ADCK1: variants seen among roughly 807,000 people sequenced by gnomAD.
ADCK1 encodes the protein aarF domain containing kinase 1, also known as aarF domain-containing protein kinase 1.
In ADCK1, 41 loss-of-function variants were observed where a neutral mutation model predicts 52.3. The observed-to-expected ratio is 0.78, with a 90% CI of 0.61 to 1.02. The LOEUF is 1.02. ADCK1 is among the 50% of genes least tolerant of loss of function. The pLI is 0.00. For synonymous variants in ADCK1, 250 were observed against 274.6 expected (o/e 0.91, Z 0.89); for missense variants, 658 against 679.5 (o/e 0.97, Z 0.35).
intron 3 of ADCK1, among the ~76,000 whole-genome samples, chr14:77,840,878 G>C (rs532954543): frequency 7.5e-6 from 1 of 133,052 alleles, no homozygotes; most frequent in Non-Finnish European, 1.6e-5. Context: ...GAGGGAGGGA[G>C]AGAAGGGAAG....
intron 4 of ADCK1, among the ~76,000 whole-genome samples, chr14:77,886,104 A>G (rs2083140918): frequency 6.6e-6 from 1 of 152,262 alleles, no homozygotes; most frequent in Admixed American, 6.5e-5. Context: ...GTGGCATTGC[A>G]GGTGATGACC....
chr14:77,802,392 C>T (rs765484447), intron 1 of ADCK1, among the ~76,000 whole-genome samples: 7 of 152,060 alleles, frequency 4.6e-5, no homozygotes, highest in Non-Finnish European at 8.8e-5. Context: ...ATTTCTATTC[C>T]TTGCCTGGGT....
intron 1 of ADCK1, among the ~76,000 whole-genome samples, chr14:77,816,557 G>A (rs745811141): frequency 1.6e-4 from 25 of 152,170 alleles, no homozygotes; most frequent in Non-Finnish European, 3.1e-4. Flanking sequence ...GATTTGCGGA[G>A]TGTGGTGCGC....
intron 3 of ADCK1, among the ~76,000 whole-genome samples, chr14:77,840,489 ATGG>A (rs1182107782): frequency 6.6e-6 from 1 of 152,070 alleles, no homozygotes; most frequent in Non-Finnish European, 1.5e-5. Flanking sequence ...TATAAAAGCC[ATGG>A]TGATTACACC....
chr14:77,877,895 C>G (rs970097693), intron 4 of ADCK1, among the ~76,000 whole-genome samples: 1 of 152,212 alleles, frequency 6.6e-6, no homozygotes, highest in Non-Finnish European at 1.5e-5. Context: ...TGTTGAGACA[C>G]TGCACCTGGC....
chr14:77,904,796 C>G (rs1475732729), intron 6 of ADCK1, among the ~76,000 whole-genome samples: 13 of 152,018 alleles, frequency 8.6e-5, no homozygotes. Context: ...GCTGAGCACC[C>G]TGGCCATGAG....
At chr14:77,920,811 G>A (rs2084032132) in intron 7 of ADCK1, among the ~76,000 whole-genome samples, 1 of 151,828 alleles carries the variant, frequency 6.6e-6, no homozygotes, top group Admixed American at 6.6e-5. Flanking sequence ...CACCACACCT[G>A]GCTGAATTTT....
intron 1 of ADCK1, among the ~76,000 whole-genome samples, chr14:77,811,378 C>T (rs908248043): frequency 1.3e-5 from 2 of 152,034 alleles, no homozygotes; most frequent in Non-Finnish European, 2.9e-5. Context: ...TGTGTATGGA[C>T]GAGATCATGA....
chr14:77,920,588 C>T (rs1294485896), intron 7 of ADCK1, among the ~76,000 whole-genome samples: 1 of 151,848 alleles, frequency 6.6e-6, no homozygotes, highest in Non-Finnish European at 1.5e-5. Flanking sequence ...TGGACTTGCC[C>T]CCTTATTAAC....
At chr14:77,810,562 G>A (rs1242191071) in intron 1 of ADCK1, among the ~76,000 whole-genome samples, 2 of 143,430 alleles carry the variant, frequency 1.4e-5, no homozygotes, top group South Asian at 4.4e-4. Context: ...ACGGAGTCTC[G>A]CTCTGTCTCC....
chr14:77,910,635 C>G (rs1006137060), intron 7 of ADCK1, among the ~76,000 whole-genome samples: 3 of 152,218 alleles, frequency 2.0e-5, no homozygotes, highest in East Asian at 1.9e-4. Context: ...GTCCATTAAT[C>G]TCTTTGGATC....
chr14:77,930,293 G>A (rs141709149), intron 9 of ADCK1, among the ~76,000 whole-genome samples: 2 of 152,298 alleles, frequency 1.3e-5, no homozygotes, highest in Non-Finnish European at 2.9e-5. Flanking sequence ...TCTCAGCAGC[G>A]CACACGTGCT....
chr14:77,884,745 G>C (rs1305671397), intron 4 of ADCK1, among the ~76,000 whole-genome samples: 2 of 152,166 alleles, frequency 1.3e-5, no homozygotes, highest in Non-Finnish European at 2.9e-5. Context: ...TTTATGTTCA[G>C]GTTCAACTGA....
chr14:77,917,330 C>T (rs932537055), intron 7 of ADCK1, among the ~76,000 whole-genome samples: 6 of 152,208 alleles, frequency 3.9e-5, no homozygotes, highest in African/African-American at 1.4e-4. Flanking sequence ...GAATGATTAA[C>T]CTCCTTATAG....
At chr14:77,921,326 CAAAAAAAA>C (rs756056466) in intron 7 of ADCK1, among the ~76,000 whole-genome samples, 3 of 41,208 alleles carry the variant, frequency 7.3e-5, no homozygotes, top group Non-Finnish European at 1.5e-4. Context: ...GACTCTGTCT[CAAAAAAAA>C]AAAAAAAAAA....
intron 1 of ADCK1, among the ~76,000 whole-genome samples, chr14:77,817,586 T>C (rs919965877): frequency 2.6e-5 from 4 of 152,164 alleles, no homozygotes; most frequent in African/African-American, 9.7e-5. Context: ...AAAGGTCACA[T>C]TGACCAGGAG....
chr14:77,878,287 C>T (rs1057305836), intron 4 of ADCK1, among the ~76,000 whole-genome samples: 4 of 152,230 alleles, frequency 2.6e-5, no homozygotes, highest in Non-Finnish European at 5.9e-5. Flanking sequence ...ATATATTCTC[C>T]TTTATAAAAT....
At position 77,859,228 on chromosome 14, in the gene ADCK1, G is replaced by A. The variant is rs140370982; in HGVS notation, c.372G>A (p.Gln124=). Residue 124 remains glutamine (Q), a synonymous_variant, in exon 4 of 11, where the codon CAG becomes CAA. Transcript: ENST00000238561. ...TLKVLHSQAP[Q]SSMQEIRQVI... ...AGGTACTGCACAGCCAGGCTCCACA[G>A]AGCAGCATGCAAGAGATCCGCCAGG... 772 of 1,614,030 alleles carry A rather than the reference G, an allele frequency of 4.8e-4. 2 individuals are homozygous for A. The Middle Eastern group carries it at 6.4e-3, about 13-fold the overall frequency.
intron 1 of ADCK1, among the ~76,000 whole-genome samples, chr14:77,805,189 A>G (rs1404897167): frequency 2.1e-5 from 3 of 145,082 alleles, no homozygotes; most frequent in African/African-American, 7.6e-5. Context: ...CTGGGCAACA[A>G]GAGTGAGACT....
Sources: allele counts gnomAD v4.1 joint callset (sites outside exome capture counted in the v4.1 genomes callset), GRCh38; gene constraint gnomAD v4.1.1; transcripts MANE v1.5; gene names NCBI Gene and HGNC (gene_info 2026-07-23, HGNC 2026-07-21).